Variants in PCDH15 observed in about 807,000 individuals in gnomAD.
PCDH15 encodes protocadherin-15.
Under a neutral mutation model 178.5 loss-of-function variants are expected in PCDH15, and 129 were observed. The observed-to-expected ratio is 0.72, with a 90% CI of 0.63 to 0.84. The LOEUF is 0.84. Ranked by LOEUF, PCDH15 falls within the 40% of genes least tolerant of loss-of-function variation. The pLI is 0.00. For synonymous variants in PCDH15, 800 were observed against 732.0 expected (o/e 1.09, Z -1.50); for missense variants, 2,230 against 2,099.9 (o/e 1.06, Z -1.21).
intron 2 of PCDH15, among the ~76,000 whole-genome samples, chr10:55,024,146 A>AAT (rs1468732647): frequency 6.8e-5 from 10 of 146,376 alleles, no homozygotes; most frequent in Admixed American, 1.4e-4. Flanking sequence ...TATAGGAAGG[A>AAT]ATATATATAG....
chr10:54,304,875 T>G (rs1442997149), intron 8 of PCDH15, among the ~76,000 whole-genome samples: 3 of 151,978 alleles, frequency 2.0e-5, no homozygotes, highest in African/African-American at 4.8e-5. Context: ...CCTTTTTTTT[T>G]GTATGTATTT....
At chr10:55,256,893 C>A (rs1842014197) in intron 1 of PCDH15, among the ~76,000 whole-genome samples, 2 of 152,166 alleles carry the variant, frequency 1.3e-5, no homozygotes, top group South Asian at 4.1e-4. Context: ...TCCCAGTACG[C>A]AGCTGGAGAT....
At chr10:54,381,921 A>G (rs1949282538) in intron 3 of PCDH15, among the ~76,000 whole-genome samples, 1 of 152,168 alleles carries the variant, frequency 6.6e-6, no homozygotes, top group Admixed American at 6.6e-5. Context: ...AAAGTGGATA[A>G]CCGCATTTAC....
At chr10:54,587,535 A>AT (rs1257774324) in intron 2 of PCDH15, among the ~76,000 whole-genome samples, 4 of 147,692 alleles carry the variant, frequency 2.7e-5, no homozygotes, top group Non-Finnish European at 6.1e-5. Flanking sequence ...ACACACAATA[A>AT]AAAAAAAAAA....
intron 1 of PCDH15, among the ~76,000 whole-genome samples, chr10:55,254,464 G>A (rs1841933707): frequency 6.6e-6 from 1 of 152,100 alleles, no homozygotes; most frequent in African/African-American, 2.4e-5. Flanking sequence ...ATAAGAGCAA[G>A]ATATCTTTTC....
intron 26 of PCDH15, among the ~76,000 whole-genome samples, chr10:53,876,213 C>T (rs117870000): frequency 6.7e-6 from 1 of 148,168 alleles, no homozygotes; most frequent in East Asian, 2.0e-4. Context: ...TTTTTTGACA[C>T]AGTCTTGCTC....
chr10:54,756,958 T>A (rs918157794), intron 1 of PCDH15, among the ~76,000 whole-genome samples: 2 of 151,936 alleles, frequency 1.3e-5, no homozygotes, highest in Non-Finnish European at 2.9e-5. Flanking sequence ...TATTTGGACT[T>A]CCTATTATTG....
chr10:54,387,331 T>A (rs1392298866), intron 3 of PCDH15, among the ~76,000 whole-genome samples: 2 of 152,110 alleles, frequency 1.3e-5, no homozygotes, highest in African/African-American at 2.4e-5. Flanking sequence ...AAATTAAGCA[T>A]CCATCCATGG....
intron 1 of PCDH15, among the ~76,000 whole-genome samples, chr10:54,685,297 CTAAAA>C (rs1163441488): frequency 6.6e-6 from 1 of 152,046 alleles, no homozygotes; most frequent in Non-Finnish European, 1.5e-5. Flanking sequence ...GAAGTACACT[CTAAAA>C]TAACAATAAA....
At chr10:54,578,734 A>G (rs2090752877) in intron 2 of PCDH15, among the ~76,000 whole-genome samples, 1 of 152,084 alleles carries the variant, frequency 6.6e-6, no homozygotes, top group African/African-American at 2.4e-5. Flanking sequence ...CCTCCTTTCC[A>G]CAAAGTTCGA....
intron 1 of PCDH15, among the ~76,000 whole-genome samples, chr10:54,683,458 A>T (rs557929734): frequency 6.6e-6 from 1 of 152,228 alleles, no homozygotes; most frequent in South Asian, 2.1e-4. Flanking sequence ...CTTTCAATGG[A>T]CAAGCATTTG....
At chr10:54,183,866 A>T (rs2048240135) in intron 12 of PCDH15, among the ~76,000 whole-genome samples, 1 of 152,216 alleles carries the variant, frequency 6.6e-6, no homozygotes, top group Admixed American at 6.5e-5. Context: ...TATCATTTAA[A>T]GTGGGCCAAT....
At chr10:54,487,193 A>C (rs935939983) in intron 3 of PCDH15, among the ~76,000 whole-genome samples, 1 of 152,106 alleles carries the variant, frequency 6.6e-6, no homozygotes, top group South Asian at 2.1e-4. Context: ...TCTTTGCAGC[A>C]ACATGGAAGG....
intron 2 of PCDH15, among the ~76,000 whole-genome samples, chr10:55,327,507 G>T (rs114170865): frequency 0.011 from 1,636 of 151,930 alleles, 34 homozygotes; most frequent in African/African-American, 0.037. Flanking sequence ...CAACAGAAAA[G>T]GATTAATTTC....
chr10:54,601,381 G>T (rs2134085404), intron 2 of PCDH15, among the ~76,000 whole-genome samples: 1 of 151,922 alleles, frequency 6.6e-6, no homozygotes, highest in East Asian at 1.9e-4. Context: ...TATATGAACA[G>T]ACACTTTTCA....
intron 2 of PCDH15, among the ~76,000 whole-genome samples, chr10:55,486,767 G>C (rs1345681219): frequency 6.8e-6 from 1 of 147,216 alleles, no homozygotes; most frequent in Non-Finnish European, 1.5e-5. Flanking sequence ...TCTGCCTTCA[G>C]AGTCACTGAG....
intron 1 of PCDH15, among the ~76,000 whole-genome samples, chr10:54,674,515 A>T (rs2094743473): frequency 6.6e-6 from 1 of 152,120 alleles, no homozygotes; most frequent in Non-Finnish European, 1.5e-5. Flanking sequence ...CATTTCACAA[A>T]TATTTCTAAG....
intron 1 of PCDH15, among the ~76,000 whole-genome samples, chr10:54,727,276 T>C (rs1218535077): frequency 1.3e-5 from 2 of 151,152 alleles, no homozygotes; most frequent in African/African-American, 4.8e-5. Context: ...ACAATAAAAA[T>C]AGAAATCAAT....
rs539862839 is a variant in PCDH15 at position 55,602,647 on chromosome 10, G to A, written c.-156+24978C>T. Among the ~76,000 whole-genome samples the A allele has an allele frequency of 9.7e-3, 1,465 of 151,598 alleles. 7 individuals carry two copies. Among genetic ancestry groups the A allele is most frequent in the Non-Finnish European group, 0.013 (871 of 67,766 alleles). On this transcript the variant is annotated intron_variant, in intron 2 of 5. Transcript: ENST00000613346. ...GGGCACACTGACACCTCACACAGCAGGGTACTCCAACAGACCTGCAGCTGA... is the reference window on the plus strand; with the variant it reads ...GGGCACACTGACACCTCACACAGCAAGGTACTCCAACAGACCTGCAGCTGA...
Sources: gnomAD v4.1 joint callset for allele counts (sites outside exome capture counted in the v4.1 genomes callset) on GRCh38, gnomAD v4.1.1 for gene constraint, MANE v1.5 for transcripts, NCBI Gene and HGNC (gene_info 2026-07-23, HGNC 2026-07-21) for gene names.